The following TUSC3 variants were observed in gnomAD, a reference collection of about 807,000 sequenced individuals.
The protein encoded by TUSC3 is tumor suppressor candidate 3.
In TUSC3, 45 loss-of-function variants were observed where a neutral mutation model predicts 44.8. That is an observed-to-expected ratio of 1.00 (90% confidence interval 0.79 to 1.29). The LOEUF (loss-of-function observed/expected upper bound fraction) is 1.29, where lower values mean the gene tolerates loss of function less well. TUSC3 is among the 50% of genes most tolerant of loss of function. The pLI is 0.00. For synonymous variants in TUSC3, 212 were observed against 152.9 expected (o/e 1.39, Z -2.85); for missense variants, 519 against 437.9 (o/e 1.19, Z -1.65).
intron 1 of TUSC3, among the ~76,000 whole-genome samples, chr8:15,443,427 G>T (rs966822564): frequency 6.6e-6 from 1 of 151,412 alleles, no homozygotes; most frequent in Non-Finnish European, 1.5e-5. Context: ...TTGAACTTCT[G>T]GGCTCGAGTG....
intron 1 of TUSC3, among the ~76,000 whole-genome samples, chr8:15,593,422 T>TA (rs1438236821): frequency 3.9e-5 from 6 of 152,224 alleles, no homozygotes; most frequent in African/African-American, 1.4e-4. Context: ...GTTTATCACT[T>TA]ACTAAAATAA....
intron 6 of TUSC3, among the ~76,000 whole-genome samples, chr8:15,725,620 G>C (rs1036231515): frequency 2.6e-5 from 4 of 152,064 alleles, no homozygotes; most frequent in African/African-American, 9.7e-5. Context: ...TGATGATGAT[G>C]ATGATGACGG....
chr8:15,692,857 A>G (rs1808979374), intron 6 of TUSC3, among the ~76,000 whole-genome samples: 1 of 152,108 alleles, frequency 6.6e-6, no homozygotes, highest in Non-Finnish European at 1.5e-5. Flanking sequence ...TTGGGTGCAT[A>G]TATATTTAAG....
At chr8:15,619,832 C>G (rs1185712004) in intron 1 of TUSC3, among the ~76,000 whole-genome samples, 1 of 152,028 alleles carries the variant, frequency 6.6e-6, no homozygotes, top group Non-Finnish European at 1.5e-5. Context: ...TTTTTAATCT[C>G]TTGTATAGGA....
upstream of TUSC3, among the ~76,000 whole-genome samples, chr8:15,539,939 T>C (rs927302477): frequency 3.3e-5 from 5 of 152,126 alleles, no homozygotes; most frequent in Non-Finnish European, 5.9e-5. Flanking sequence ...TCAATGGGAA[T>C]AGAGATTGCT....
At chr8:15,824,581 G>A in the TUSC3 span, among the ~76,000 whole-genome samples, 1 of 151,730 alleles carries the variant, frequency 6.6e-6, no homozygotes, top group Non-Finnish European at 1.5e-5. Context: ...ACACAGGAAG[G>A]GGAACATCAC....
the TUSC3 span, among the ~76,000 whole-genome samples, chr8:15,829,809 A>G: frequency 6.6e-6 from 1 of 152,138 alleles, no homozygotes; most frequent in South Asian, 2.1e-4. Context: ...CTTTGGGTAG[A>G]TACCCAGTAG....
the TUSC3 span, among the ~76,000 whole-genome samples, chr8:15,830,775 G>T: frequency 2.6e-5 from 4 of 152,212 alleles, no homozygotes; most frequent in African/African-American, 9.6e-5. Flanking sequence ...AGGTGGAAGG[G>T]GGATCAGGGT....
At chr8:15,642,435 A>G (rs2129172221) in intron 2 of TUSC3, among the ~76,000 whole-genome samples, 1 of 152,348 alleles carries the variant, frequency 6.6e-6, no homozygotes, top group African/African-American at 2.4e-5. Context: ...CCTGGCATAC[A>G]CTAAATCTCC....
chr8:15,695,216 G>T (rs887276931), intron 6 of TUSC3, among the ~76,000 whole-genome samples: 1 of 152,116 alleles, frequency 6.6e-6, no homozygotes, highest in South Asian at 2.1e-4. Flanking sequence ...TAACTCCCAC[G>T]GTTCCCACAT....
At chr8:15,808,218 A>T in the TUSC3 span, among the ~76,000 whole-genome samples, 1 of 152,148 alleles carries the variant, frequency 6.6e-6, no homozygotes, top group East Asian at 1.9e-4. Flanking sequence ...CACCTGGTAT[A>T]ATGTGTTCCT....
intron 6 of TUSC3, among the ~76,000 whole-genome samples, chr8:15,693,210 G>C (rs888081435): frequency 1.3e-5 from 2 of 152,126 alleles, no homozygotes; most frequent in African/African-American, 4.8e-5. Flanking sequence ...CTGTTAGCTG[G>C]TTATTACGTA....
chr8:15,456,453 C>G (rs796512514), intron 1 of TUSC3, among the ~76,000 whole-genome samples: 11 of 152,096 alleles, frequency 7.2e-5, no homozygotes, highest in African/African-American at 2.6e-4. Flanking sequence ...ATAATAATAG[C>G]CAAGACACTA....
At chr8:15,637,967 C>T (rs1806167795) in intron 2 of TUSC3, among the ~76,000 whole-genome samples, 1 of 152,148 alleles carries the variant, frequency 6.6e-6, no homozygotes, top group South Asian at 2.1e-4. Flanking sequence ...TAATGCATGT[C>T]TGCTTCTTCT....
the TUSC3 span, among the ~76,000 whole-genome samples, chr8:15,831,995 A>G: frequency 2.0e-5 from 3 of 152,184 alleles, no homozygotes; most frequent in Non-Finnish European, 4.4e-5. Context: ...TAGTCATCAG[A>G]TTCTCCAAGG....
At chr8:15,665,466 TA>T (rs892994001) in intron 5 of TUSC3, among the ~76,000 whole-genome samples, 13 of 151,426 alleles carry the variant, frequency 8.6e-5, no homozygotes, top group African/African-American at 1.9e-4. Context: ...TTAAGGCTCA[TA>T]TTTTTTTTGT....
chr8:15,569,673 C>G (rs903792593), intron 1 of TUSC3, among the ~76,000 whole-genome samples: 2 of 152,124 alleles, frequency 1.3e-5, no homozygotes, highest in Non-Finnish European at 1.5e-5. Flanking sequence ...ACGGGGACAT[C>G]TCGTTACGTG....
chr8:15,616,318 C>T (rs1305255724), intron 1 of TUSC3, among the ~76,000 whole-genome samples: 1 of 152,204 alleles, frequency 6.6e-6, no homozygotes, highest in African/African-American at 2.4e-5. Flanking sequence ...TGGCTCACGC[C>T]AGTAATCCCA....
At chr8:15,453,304 T>G (rs535265840) in intron 1 of TUSC3, among the ~76,000 whole-genome samples, 1 of 152,292 alleles carries the variant, frequency 6.6e-6, no homozygotes, top group African/African-American at 2.4e-5. Context: ...AATAAACTCT[T>G]CTTCCTAAAT....
Sources: allele counts gnomAD v4.1 joint callset (sites outside exome capture counted in the v4.1 genomes callset), GRCh38; gene constraint gnomAD v4.1.1; transcripts MANE v1.5; gene names NCBI Gene and HGNC (gene_info 2026-07-23, HGNC 2026-07-21).